Variants in VWA3A observed in about 807,000 individuals in gnomAD.
VWA3A encodes the protein von Willebrand factor A domain-containing protein 3A.
VWA3A carries 134 observed loss-of-function variants against 160.4 expected under a neutral mutation model. That is an observed-to-expected ratio of 0.84 (90% CI 0.73 to 0.96). VWA3A has a LOEUF of 0.96. Ranked by LOEUF, VWA3A falls within the 40% of genes least tolerant of loss-of-function variation. The pLI is 0.00. For missense variants in VWA3A, 1,310 were observed against 1,447.9 expected (o/e 0.90, Z 1.55); for synonymous variants, 476 against 543.4 (o/e 0.88, Z 1.72).
chr16:22,140,892 G>A (rs1012220010), intron 23 of VWA3A, among the ~76,000 whole-genome samples: 4 of 152,180 alleles, frequency 2.6e-5, no homozygotes, highest in South Asian at 4.1e-4. Flanking sequence ...GATTACAGGC[G>A]TGAGCCACCA....
At chr16:22,139,667 C>T (rs912581612) in intron 22 of VWA3A, among the ~76,000 whole-genome samples, 1 of 152,078 alleles carries the variant, frequency 6.6e-6, no homozygotes, top group African/African-American at 2.4e-5. Context: ...TGCACTCCAG[C>T]CTGGGTGACA....
At chr16:22,106,150 C>G (rs576718284) in intron 6 of VWA3A, among the ~76,000 whole-genome samples, 1 of 151,888 alleles carries the variant, frequency 6.6e-6, no homozygotes, top group Non-Finnish European at 1.5e-5. Context: ...TTTGGGAGGC[C>G]GAGGCAGATG....
At chr16:22,131,486 C>T (rs2045947064) in intron 18 of VWA3A, 99 bp from the exon 19 acceptor site, 1 of 1,543,578 alleles carries the variant, frequency 6.5e-7, no homozygotes, top group African/African-American at 1.4e-5. Flanking sequence ...GACATCGACT[C>T]CATCACGTCT....
chr16:22,113,663 A>G (rs1461214967), intron 8 of VWA3A, among the ~76,000 whole-genome samples: 1 of 151,922 alleles, frequency 6.6e-6, no homozygotes, highest in Non-Finnish European at 1.5e-5. Context: ...CAGTGGTACA[A>G]TCATAGCTTA....
chr16:22,117,258 G>A (rs2045664725), intron 11 of VWA3A, 82 bp downstream of exon 11: 12 of 1,414,020 alleles, frequency 8.5e-6, no homozygotes, highest in East Asian at 2.5e-5. Flanking sequence ...TCTGGGCCAG[G>A]ACCATACTAT....
intron 8 of VWA3A, 77 bp downstream of exon 8, chr16:22,111,071 A>C: frequency 6.3e-6 from 8 of 1,269,818 alleles, no homozygotes; most frequent in Non-Finnish European, 8.7e-6. Context: ...TTATTGAATA[A>C]TTCAACTGCA....
chr16:22,134,490 T>A, intron 21 of VWA3A, 52 bp downstream of exon 21: 1 of 1,467,396 alleles, frequency 6.8e-7, no homozygotes. Context: ...ATTCATTTCC[T>A]GGGGCTACCA....
chr16:22,144,679 A>T (rs1209977042), intron 26 of VWA3A, among the ~76,000 whole-genome samples: 1 of 152,084 alleles, frequency 6.6e-6, no homozygotes, highest in East Asian at 1.9e-4. Flanking sequence ...GTGCTTTAGG[A>T]GGCTGAGGTG....
intron 26 of VWA3A, 115 bp downstream of exon 26, chr16:22,144,499 C>G: frequency 1.4e-6 from 2 of 1,424,112 alleles, no homozygotes; most frequent in Non-Finnish European, 1.9e-6. Flanking sequence ...CTGCCCTCCT[C>G]CCCAAAGTGG....
rs866687861 is a variant in VWA3A, at chr16:22,117,161, C to T, written c.975C>T (p.Tyr325=). 1 of 1,581,686 alleles carries T rather than the reference C, an allele frequency of 6.3e-7. No individual in the cohort carries two copies. The highest frequency in any genetic ancestry group is 1.7e-4 in the Middle Eastern group (1 of 6,038). The change falls in exon 11 of 34, where the codon TAC becomes TAT. Residue 325 remains tyrosine (Y), a synonymous_variant. Coordinates refer to ENST00000389398, the MANE Select transcript of VWA3A (RefSeq NM_173615.5). ...CTGTTAGGGGCTACTACCACTGCTA[C>T]AGCCCAAAGATGGAGGTAAGCCCTT... is the stretch of plus-strand genomic sequence containing the variant. ...AEAVRGYYHC[Y]SPKMEHYTSR...
intron 29 of VWA3A, among the ~76,000 whole-genome samples, 165 bp from the exon 30 acceptor site, chr16:22,150,526 TAGTC>T (rs1455381982): frequency 6.6e-6 from 1 of 152,202 alleles, no homozygotes; most frequent in Admixed American, 6.5e-5. Flanking sequence ...GCAGCTTCCT[TAGTC>T]TGTCTGAGGC....
chr16:22,124,090 C>T (rs1023453681), intron 16 of VWA3A, among the ~76,000 whole-genome samples: 8 of 143,542 alleles, frequency 5.6e-5, no homozygotes, highest in Non-Finnish European at 1.0e-4. Context: ...CAGGGGCAGG[C>T]GGGTCGCTTG....
At chr16:22,094,992 G>A (rs986203161) in intron 1 of VWA3A, among the ~76,000 whole-genome samples, 10 of 151,564 alleles carry the variant, frequency 6.6e-5, no homozygotes, top group Non-Finnish European at 1.5e-4. Context: ...AAAACCAAGG[G>A]AGTCTTTCAA....
chr16:22,102,179 C>T (rs1053499024), intron 5 of VWA3A, among the ~76,000 whole-genome samples: 7 of 151,990 alleles, frequency 4.6e-5, no homozygotes, highest in African/African-American at 1.7e-4. Context: ...GATGAAACCC[C>T]AACTCTACAA....
intron 18 of VWA3A, 142 bp from the exon 19 acceptor site, chr16:22,131,443 C>T: frequency 6.9e-7 from 1 of 1,452,190 alleles, no homozygotes; most frequent in South Asian, 1.3e-5. Context: ...TGCTGCTCTC[C>T]CCACCTGGCC....
At position 22,142,899 on chromosome 16, in the gene VWA3A, C is replaced by G. The variant is rs148060641; in HGVS notation, c.2592+134C>G. The stretch of plus-strand genomic sequence containing the variant: ...GGCACAGTGACTCACACCTGTAATC[C>G]CAGCACTTTGGGAGGCTGAGGTGGG... On this transcript the variant is annotated intron_variant, in intron 25 of 33. Coordinates refer to ENST00000389398, the MANE Select transcript of VWA3A (RefSeq NM_173615.5). The G allele has an allele frequency of 7.5e-4, 500 of 671,098 alleles. 3 individuals are homozygous for G. The East Asian group carries it at 0.016, about 21-fold the overall frequency. The allele number at this position is 671,098 out of a possible 1,614,324, so 41.6% of individuals were successfully genotyped here.
intron 15 of VWA3A, 26 bp from the exon 16 acceptor site, chr16:22,123,587 G>A (rs779815566): frequency 8.1e-6 from 13 of 1,613,598 alleles, no homozygotes; most frequent in Admixed American, 1.7e-5. Flanking sequence ...TTGAGCAGCC[G>A]CTCACTGTGG....
At chr16:22,139,258 C>T (rs1412143872) in intron 22 of VWA3A, among the ~76,000 whole-genome samples, 1 of 152,194 alleles carries the variant, frequency 6.6e-6, no homozygotes, top group African/African-American at 2.4e-5. Flanking sequence ...AGGCACTTCG[C>T]CCCCTCCTCA....
chr16:22,123,834 C>T lies in VWA3A; in HGVS notation c.1532+127C>T. The T allele has an allele frequency of 1.3e-5, 11 of 847,926 alleles. No individual in the cohort carries two copies. The South Asian group carries it at 1.8e-4, about 14-fold the overall frequency. The allele number at this position is 847,926 out of a possible 1,614,324, so 52.5% of individuals were successfully genotyped here. On this transcript the variant is annotated intron_variant, in intron 16 of 33. Coordinates refer to ENST00000389398, the MANE Select transcript of VWA3A (RefSeq NM_173615.5). ...CTTAGATTAGGGATTAGGAATCTCT[C>T]AGCAGAACCCCCAGAGGAGGAAAAA...
Sources: allele counts gnomAD v4.1 joint callset (sites outside exome capture counted in the v4.1 genomes callset), GRCh38; gene constraint gnomAD v4.1.1; transcripts MANE v1.5; gene names NCBI Gene and HGNC (gene_info 2026-07-23, HGNC 2026-07-21).